The following LRRTM4 variants were observed in gnomAD, a reference collection of about 807,000 sequenced individuals.
LRRTM4 encodes the protein leucine-rich repeat transmembrane neuronal protein 4.
Under a neutral mutation model 47.6 loss-of-function variants are expected in LRRTM4, and 25 were observed. The observed-to-expected ratio is 0.53, with a 90% CI of 0.38 to 0.73. The LOEUF is 0.73. Among genes scored for constraint, LRRTM4 ranks in the 30% least tolerant of loss-of-function variants. The pLI is 0.00. For synonymous variants in LRRTM4, 311 were observed against 269.5 expected (o/e 1.15, Z -1.51); for missense variants, 638 against 713.4 (o/e 0.89, Z 1.20).
At chr2:77,075,706 G>C (rs1008136520) in intron 3 of LRRTM4, among the ~76,000 whole-genome samples, 3 of 150,978 alleles carry the variant, frequency 2.0e-5, no homozygotes, top group Non-Finnish European at 4.4e-5. Flanking sequence ...ACGAGGTCAG[G>C]AGATCGAGAC....
intron 3 of LRRTM4, among the ~76,000 whole-genome samples, chr2:77,480,120 G>A (rs1677613606): frequency 6.6e-6 from 1 of 151,842 alleles, no homozygotes; most frequent in Non-Finnish European, 1.5e-5. Context: ...AGAGAGATGG[G>A]GTCTGACTCA....
At position 77,067,746 on chromosome 2, in the gene LRRTM4, G is replaced by C. The variant is rs900036762; in HGVS notation, c.1552-318830C>G. ...ATATTTCAGGAAAAATGAAGAAAAC[G>C]GAAGTCACAGGAGCAACAACAATCC... On this transcript the variant is annotated intron_variant, in intron 3 of 3. Coordinates refer to ENST00000409884, the MANE Select transcript of LRRTM4 (RefSeq NM_001134745.3). Among the ~76,000 whole-genome samples the C allele has an allele frequency of 1.0e-4, 15 of 143,116 alleles. 1 individual carries two copies. The highest frequency in any genetic ancestry group is 3.8e-4 in the African/African-American group (14 of 36,718). The allele number at this position is 143,116 out of a possible 152,430, so 93.9% of individuals were successfully genotyped here. A position where few individuals can be genotyped will look rare whatever the true frequency, so the allele number is the denominator to read the frequency against.
At chr2:77,205,304 G>A (rs376885692) in intron 3 of LRRTM4, among the ~76,000 whole-genome samples, 97 of 152,254 alleles carry the variant, frequency 6.4e-4, no homozygotes, top group African/African-American at 2.3e-3. Flanking sequence ...AAAATAGGAC[G>A]ATATCAGATA....
At chr2:77,026,235 C>T (rs1007319536) in intron 3 of LRRTM4, among the ~76,000 whole-genome samples, 3 of 151,998 alleles carry the variant, frequency 2.0e-5, no homozygotes, top group Admixed American at 1.3e-4. Context: ...TTGCAGGGGC[C>T]ATTTGAAGCA....
At chr2:77,140,120 G>T (rs1300414413) in intron 3 of LRRTM4, among the ~76,000 whole-genome samples, 1 of 151,800 alleles carries the variant, frequency 6.6e-6, no homozygotes, top group Non-Finnish European at 1.5e-5. Flanking sequence ...ATTGGAAAAA[G>T]CTACTTTAAA....
In LRRTM4 at chr2:77,489,510, G is replaced by A. The variant is rs535996397; in HGVS notation, c.1551+28808C>T. 1.9e-3 allele frequency among the ~76,000 whole-genome samples: 293 copies of A among 152,104 alleles called. 1 individual carries two copies. Among genetic ancestry groups the A allele is most frequent in the Non-Finnish European group, 2.3e-3 (155 of 67,990 alleles). Reference sequence around the variant, plus strand: ...ATTACTTTCCTTTTTTGATAATTACGTTTCCTTTAGGAAACATATCAACAT... The same window carrying A: ...ATTACTTTCCTTTTTTGATAATTACATTTCCTTTAGGAAACATATCAACAT... On this transcript the variant is annotated intron_variant, in intron 3 of 3. Transcript: ENST00000409884.
At chr2:77,502,752 C>T (rs1678620424) in intron 3 of LRRTM4, among the ~76,000 whole-genome samples, 1 of 151,516 alleles carries the variant, frequency 6.6e-6, no homozygotes, top group Non-Finnish European at 1.5e-5. Flanking sequence ...AAATTGGGTA[C>T]ATCTCATGTA....
In LRRTM4 at chr2:77,522,306, T is replaced by G. The variant is rs1558784337; in HGVS notation, c.-345A>C. 2 of 532,150 alleles carry G rather than the reference T, an allele frequency of 3.8e-6. No homozygotes were observed. The highest frequency in any genetic ancestry group is 6.7e-6 in the Non-Finnish European group (2 of 298,838). The allele number at this position is 532,150 out of a possible 1,614,324, so 33.0% of individuals were successfully genotyped here. A position where few individuals can be genotyped will look rare whatever the true frequency, so the allele number is the denominator to read the frequency against. ...GTGCTGGGAGGCAGCCCTTGTCTAA[T>G]TCAGAAGGCTTTCCAGAGACTGATG... On this transcript the variant is annotated 5_prime_UTR_variant, in exon 1 of 4. Coordinates refer to ENST00000409884, the MANE Select transcript of LRRTM4 (RefSeq NM_001134745.3).
At chr2:77,336,100 G>A (rs1045306163) in intron 3 of LRRTM4, among the ~76,000 whole-genome samples, 1 of 150,910 alleles carries the variant, frequency 6.6e-6, no homozygotes. Flanking sequence ...AGGAAGGAAG[G>A]AAGGAAAGAA....
chr2:77,231,764 C>T lies in LRRTM4; in HGVS notation c.1551+286554G>A, dbSNP rs141058232. ...AACATTAAATAGCAACAAAAGAAACCGAGGAACACTCAAATAAGTCATATA... is the reference window on the plus strand; with the variant it reads ...AACATTAAATAGCAACAAAAGAAACTGAGGAACACTCAAATAAGTCATATA... On this transcript the variant is annotated intron_variant, in intron 3 of 3. Transcript: ENST00000409884. Among the ~76,000 whole-genome samples, 781 of 152,062 alleles carry T rather than the reference C, an allele frequency of 5.1e-3. 9 individuals are homozygous for T. Among genetic ancestry groups the T allele is most frequent in the African/African-American group, 0.018 (754 of 41,498 alleles).
chr2:77,380,789 C>A (rs1238126964), intron 3 of LRRTM4, among the ~76,000 whole-genome samples: 1 of 150,588 alleles, frequency 6.6e-6, no homozygotes, highest in Non-Finnish European at 1.5e-5. Context: ...GAGTGAGACT[C>A]CATCTCGAAA....
intron 3 of LRRTM4, among the ~76,000 whole-genome samples, chr2:77,342,302 T>A (rs546803831): frequency 2.6e-5 from 4 of 152,078 alleles, no homozygotes; most frequent in Non-Finnish European, 5.9e-5. Flanking sequence ...CTGGAGATAT[T>A]TTGGGTTATT....
intron 3 of LRRTM4, among the ~76,000 whole-genome samples, chr2:77,110,890 C>T (rs1417451312): frequency 6.6e-6 from 1 of 152,044 alleles, no homozygotes; most frequent in Non-Finnish European, 1.5e-5. Flanking sequence ...TTTAAATTGC[C>T]TTCTGTACTT....
chr2:77,492,623 G>A (rs1403748428), intron 3 of LRRTM4, among the ~76,000 whole-genome samples: 3 of 151,924 alleles, frequency 2.0e-5, no homozygotes, highest in Non-Finnish European at 2.9e-5. Context: ...CTTTATATAT[G>A]AAATAATAGG....
At chr2:76,899,755 A>G (rs1015347628) in intron 3 of LRRTM4, among the ~76,000 whole-genome samples, 2 of 152,204 alleles carry the variant, frequency 1.3e-5, no homozygotes, top group African/African-American at 4.8e-5. Flanking sequence ...ATAAATTAAA[A>G]GGCAAAAACA....
intron 3 of LRRTM4, among the ~76,000 whole-genome samples, chr2:77,088,696 T>G (rs1164994098): frequency 6.6e-6 from 1 of 152,144 alleles, no homozygotes; most frequent in Non-Finnish European, 1.5e-5. Context: ...GTGACTTGGA[T>G]CAGGGGACTT....
intron 3 of LRRTM4, among the ~76,000 whole-genome samples, chr2:76,985,623 G>A (rs868707510): frequency 6.6e-5 from 10 of 151,928 alleles, no homozygotes; most frequent in Admixed American, 2.6e-4. Flanking sequence ...ATGTCTTGCC[G>A]CATGATTTGA....
intron 3 of LRRTM4, among the ~76,000 whole-genome samples, chr2:76,762,667 C>G (rs1673300121): frequency 6.6e-6 from 1 of 152,086 alleles, no homozygotes; most frequent in South Asian, 2.1e-4. Context: ...TTGATTTAGA[C>G]TAATTAAGTA....
chr2:77,368,783 GA>G (rs1409380021), intron 3 of LRRTM4, among the ~76,000 whole-genome samples: 3 of 151,742 alleles, frequency 2.0e-5, no homozygotes, highest in African/African-American at 7.3e-5. Context: ...CGGCTGTAGT[GA>G]ATAATGCTGA....
Sources: allele counts gnomAD v4.1 joint callset (sites outside exome capture counted in the v4.1 genomes callset), GRCh38; gene constraint gnomAD v4.1.1; transcripts MANE v1.5; gene names NCBI Gene and HGNC (gene_info 2026-07-23, HGNC 2026-07-21).